Variants in KCNMA1 observed in about 807,000 individuals in gnomAD.
KCNMA1 encodes the protein Calcium-activated potassium channel subunit alpha-1.
In KCNMA1, 29 loss-of-function variants were observed where a neutral mutation model predicts 140.0. The ratio of observed to expected loss-of-function variants is 0.21; its 90% confidence interval spans 0.15 to 0.28. KCNMA1 has a LOEUF of 0.28. KCNMA1 is among the 10% of genes least tolerant of loss of function. KCNMA1 has a pLI of 1.00. For missense variants in KCNMA1, 880 were observed against 1,602.2 expected (o/e 0.55, Z 7.70); for synonymous variants, 612 against 611.9 (o/e 1.00, Z 0.00).
intron 1 of KCNMA1, among the ~76,000 whole-genome samples, chr10:77,487,115 C>G (rs1025090693): frequency 6.6e-6 from 1 of 152,240 alleles, no homozygotes; most frequent in African/African-American, 2.4e-5. Context: ...TCCTGCCTAA[C>G]TTTCTCTCCA....
chr10:77,129,429 T>C (rs2097805090), intron 5 of KCNMA1, among the ~76,000 whole-genome samples: 1 of 152,182 alleles, frequency 6.6e-6, no homozygotes, highest in Admixed American at 6.5e-5. Flanking sequence ...TTATTTTTTC[T>C]CCAAATAGCA....
chr10:77,440,112 T>C (rs1259199564), intron 1 of KCNMA1, among the ~76,000 whole-genome samples: 2 of 152,110 alleles, frequency 1.3e-5, no homozygotes, highest in Non-Finnish European at 2.9e-5. Flanking sequence ...CTATCCTCTC[T>C]GGGTCAGAGC....
chr10:77,597,683 T>G (rs1192025177), intron 1 of KCNMA1, among the ~76,000 whole-genome samples: 1 of 152,192 alleles, frequency 6.6e-6, no homozygotes, highest in Admixed American at 6.5e-5. Context: ...CCTGCCTTTA[T>G]TCCTGTCACA....
chr10:77,379,957 A>G lies in KCNMA1; in HGVS notation c.540+23905T>C, dbSNP rs925590246. 2.0e-5 allele frequency among the ~76,000 whole-genome samples: 3 copies of G among 152,284 alleles called. No individual in the cohort carries two copies. The East Asian group carries it at 5.8e-4, about 29-fold the overall frequency. ...TCCACTGAATGGGGATGAATGCGGT[A>G]CCTACTCTCATAGTAGGGATATGAG... is the stretch of plus-strand genomic sequence containing the variant. On this transcript the variant is annotated intron_variant, in intron 2 of 27. Coordinates refer to ENST00000286628, the MANE Select transcript of KCNMA1 (RefSeq NM_001161352.2).
At chr10:77,405,266 G>A (rs746438817) in intron 1 of KCNMA1, among the ~76,000 whole-genome samples, 1 of 152,118 alleles carries the variant, frequency 6.6e-6, no homozygotes, top group Non-Finnish European at 1.5e-5. Context: ...CTTTCCAATA[G>A]CACTTTTCTG....
chr10:77,415,649 C>T (rs16934727), intron 1 of KCNMA1, among the ~76,000 whole-genome samples: 1,755 of 152,334 alleles, frequency 0.012, 24 homozygotes, highest in African/African-American at 0.034. Flanking sequence ...TAACTTTTAC[C>T]GGAGGGAGCC....
chr10:77,298,662 G>A (rs147861335), intron 2 of KCNMA1, among the ~76,000 whole-genome samples: 328 of 152,250 alleles, frequency 2.2e-3, no homozygotes, highest in Non-Finnish European at 3.4e-3. Flanking sequence ...CTGAGTTTAG[G>A]TCCTACCACA....
chr10:77,371,661 C>T (rs965444274), intron 2 of KCNMA1, among the ~76,000 whole-genome samples: 2 of 152,188 alleles, frequency 1.3e-5, no homozygotes, highest in African/African-American at 4.8e-5. Context: ...CCCCTCATTG[C>T]AACCTCACCA....
At chr10:77,362,917 C>T in intron 2 of KCNMA1, among the ~76,000 whole-genome samples, 1 of 152,150 alleles carries the variant, frequency 6.6e-6, no homozygotes, top group East Asian at 1.9e-4. Context: ...CAGATACATT[C>T]CCTTTCAAAA....
At chr10:77,518,734 G>C (rs2051591826) in intron 1 of KCNMA1, among the ~76,000 whole-genome samples, 1 of 152,152 alleles carries the variant, frequency 6.6e-6, no homozygotes. Flanking sequence ...TATGCTTTGG[G>C]GACTCCAGCG....
chr10:77,506,586 A>T (rs1423694288), intron 1 of KCNMA1, among the ~76,000 whole-genome samples: 68 of 107,598 alleles, frequency 6.3e-4, no homozygotes, highest in African/African-American at 3.5e-3. Flanking sequence ...AGAGAGAGAG[A>T]GAGAGAGAGA....
At chr10:77,494,941 C>T (rs1045956830) in intron 1 of KCNMA1, among the ~76,000 whole-genome samples, 1 of 152,192 alleles carries the variant, frequency 6.6e-6, no homozygotes, top group Non-Finnish European at 1.5e-5. Context: ...TCCCTGTGTG[C>T]ATGTCTGTCT....
At chr10:76,975,828 C>A (rs1408159732) in intron 19 of KCNMA1, among the ~76,000 whole-genome samples, 1 of 152,204 alleles carries the variant, frequency 6.6e-6, no homozygotes, top group East Asian at 1.9e-4. Context: ...TTTTCTTTTT[C>A]TGAGACAAGG....
intron 2 of KCNMA1, among the ~76,000 whole-genome samples, chr10:77,368,457 T>C (rs2094495759): frequency 6.6e-6 from 1 of 152,224 alleles, no homozygotes; most frequent in Non-Finnish European, 1.5e-5. Flanking sequence ...CTGTAATATA[T>C]GTGATTTTTA....
At chr10:76,988,219 T>C (rs2081817747) in intron 19 of KCNMA1, among the ~76,000 whole-genome samples, 1 of 152,124 alleles carries the variant, frequency 6.6e-6, no homozygotes, top group Non-Finnish European at 1.5e-5. Flanking sequence ...AAAGGGATAG[T>C]GGTAAGGCAT....
intron 5 of KCNMA1, among the ~76,000 whole-genome samples, chr10:77,181,883 C>T (rs1429781789): frequency 6.6e-6 from 1 of 151,978 alleles, no homozygotes; most frequent in Non-Finnish European, 1.5e-5. Flanking sequence ...AAAACTGTAG[C>T]AAAAGAAATC....
intron 5 of KCNMA1, among the ~76,000 whole-genome samples, chr10:77,125,891 G>A (rs2097721388): frequency 6.6e-6 from 1 of 152,126 alleles, no homozygotes; most frequent in African/African-American, 2.4e-5. Context: ...CCTACTAAAG[G>A]GAAAAGCCAG....
At chr10:77,507,152 A>G in intron 1 of KCNMA1, among the ~76,000 whole-genome samples, 1 of 152,218 alleles carries the variant, frequency 6.6e-6, no homozygotes, top group East Asian at 1.9e-4. Context: ...TTAAAAACAA[A>G]TGCTTTGCAG....
intron 2 of KCNMA1, among the ~76,000 whole-genome samples, chr10:77,348,442 C>T (rs1477958734): frequency 2.6e-5 from 4 of 152,218 alleles, no homozygotes; most frequent in Admixed American, 1.3e-4. Context: ...CCTGGACACC[C>T]GCAAGCCACA....
Sources: allele counts gnomAD v4.1 joint callset (sites outside exome capture counted in the v4.1 genomes callset), GRCh38; gene constraint gnomAD v4.1.1; transcripts MANE v1.5; gene names NCBI Gene and HGNC (gene_info 2026-07-23, HGNC 2026-07-21).